Variants in SLC25A26 observed in about 807,000 individuals in gnomAD.
The protein encoded by SLC25A26 is solute carrier family 25 member 26.
Under a neutral mutation model 37.8 loss-of-function variants are expected in SLC25A26, and 36 were observed. That is an observed-to-expected ratio of 0.95 (90% CI 0.73 to 1.26). SLC25A26 has a LOEUF of 1.26. SLC25A26 is among the 50% of genes most tolerant of loss of function. The pLI, the probability that SLC25A26 is intolerant of heterozygous loss-of-function variation, is 0.00. For missense variants in SLC25A26, 390 were observed against 331.1 expected (o/e 1.18, Z -1.38); for synonymous variants, 129 against 122.5 (o/e 1.05, Z -0.35).
chr3:66,231,517 AAATT>A (rs549754472), intron 1 of SLC25A26, among the ~76,000 whole-genome samples: 263 of 152,252 alleles, frequency 1.7e-3, no homozygotes, highest in African/African-American at 5.9e-3. Context: ...AATTATTTAA[AAATT>A]AATTGTTAAA....
intron 5 of SLC25A26, among the ~76,000 whole-genome samples, chr3:66,295,764 C>G (rs2074881721): frequency 6.6e-6 from 1 of 151,758 alleles, no homozygotes; most frequent in Non-Finnish European, 1.5e-5. Flanking sequence ...TCCCAAAGTG[C>G]TGGGATTACA....
chr3:66,224,495 A>G (rs1553659746), intron 1 of SLC25A26, among the ~76,000 whole-genome samples: 2 of 152,176 alleles, frequency 1.3e-5, no homozygotes, highest in African/African-American at 4.8e-5. Flanking sequence ...TGCCCCCATG[A>G]TTCAGTTACC....
At chr3:66,140,308 G>T (rs572812813) in intron 1 of SLC25A26, among the ~76,000 whole-genome samples, 3 of 152,278 alleles carry the variant, frequency 2.0e-5, no homozygotes, top group African/African-American at 7.2e-5. Context: ...TGTGTATTCC[G>T]TTGAGTCATG....
chr3:66,332,786 G>C (rs1030848262), intron 5 of SLC25A26, among the ~76,000 whole-genome samples: 1 of 152,154 alleles, frequency 6.6e-6, no homozygotes, highest in African/African-American at 2.4e-5. Context: ...GAGAAAGCAG[G>C]TTCAGGCACA....
At chr3:66,161,821 C>T (rs1423201470) in intron 1 of SLC25A26, among the ~76,000 whole-genome samples, 2 of 152,154 alleles carry the variant, frequency 1.3e-5, no homozygotes, top group African/African-American at 2.4e-5. Flanking sequence ...CCATTGTTCA[C>T]CCCTCAAGCC....
chr3:66,191,521 T>A (rs2070941703), intron 1 of SLC25A26, among the ~76,000 whole-genome samples: 1 of 152,224 alleles, frequency 6.6e-6, no homozygotes, highest in Non-Finnish European at 1.5e-5. Context: ...GAACAACACA[T>A]ATCCATCTAA....
At chr3:66,275,631 A>T (rs547570167) in intron 5 of SLC25A26, among the ~76,000 whole-genome samples, 1 of 152,222 alleles carries the variant, frequency 6.6e-6, no homozygotes, top group East Asian at 1.9e-4. Flanking sequence ...TACATTTAGC[A>T]AGAATTATGG....
In SLC25A26 at chr3:66,378,014, G is replaced by A. The variant is rs964084367; in HGVS notation, c.*207G>A. 91 of 505,764 alleles carry A rather than the reference G, an allele frequency of 1.8e-4. No homozygotes were observed. Among genetic ancestry groups the A allele is most frequent in the African/African-American group, 1.5e-3 (78 of 52,944 alleles). The allele number at this position is 505,764 out of a possible 1,614,324, so 31.3% of individuals were successfully genotyped here. On this transcript the variant is annotated 3_prime_UTR_variant, in exon 10 of 10. Transcript: ENST00000354883. The stretch of plus-strand genomic sequence containing the variant: ...TGCCAGAGAGCTAAGAGAAGAAAAC[G>A]GGGTCTGTGGCGGTACTCTGAACAA...
chr3:66,376,692 A>T (rs1700666263), intron 9 of SLC25A26, among the ~76,000 whole-genome samples: 1 of 152,242 alleles, frequency 6.6e-6, no homozygotes, highest in South Asian at 2.1e-4. Flanking sequence ...ATTCACTATT[A>T]TGGTGGCCAA....
intron 2 of SLC25A26, among the ~76,000 whole-genome samples, chr3:66,237,112 A>G (rs2072329429): frequency 6.6e-6 from 1 of 152,196 alleles, no homozygotes; most frequent in South Asian, 2.1e-4. Flanking sequence ...TGCTGGGATT[A>G]TAGTCGGCAT....
At chr3:66,301,000 A>G (rs1290718381) in intron 5 of SLC25A26, among the ~76,000 whole-genome samples, 1 of 152,198 alleles carries the variant, frequency 6.6e-6, no homozygotes, top group East Asian at 1.9e-4. Context: ...TTTATGTCTC[A>G]ATAAAGTCTA....
chr3:66,220,763 T>G, upstream of SLC25A26: 2 of 430,050 alleles, frequency 4.7e-6, no homozygotes, highest in Non-Finnish European at 4.2e-6. Flanking sequence ...GCCGGCCTCA[T>G]TCTACCGCTG....
intron 5 of SLC25A26, among the ~76,000 whole-genome samples, chr3:66,318,760 C>G (rs542956235): frequency 1.3e-5 from 2 of 151,978 alleles, no homozygotes; most frequent in East Asian, 1.9e-4. Context: ...ATCCTGGTCT[C>G]AAGTTACTCA....
Position 66,377,849 on chromosome 3 carries a change from C to A in SLC25A26, c.*42C>A. The A allele has an allele frequency of 6.9e-7, 1 of 1,453,308 alleles. No individual in the cohort carries two copies. The highest frequency in any genetic ancestry group is 9.7e-7 in the Non-Finnish European group (1 of 1,033,592). 90.0% of individuals were successfully genotyped at this position (1,453,308 alleles called of 1,614,324 possible). A position where few individuals can be genotyped will look rare whatever the true frequency, so the allele number is the denominator to read the frequency against. On this transcript the variant is annotated 3_prime_UTR_variant, in exon 10 of 10. Coordinates refer to ENST00000354883, the MANE Select transcript of SLC25A26 (RefSeq NM_001379210.1). ...ACCTCCACTTCTGTCAAGAGAGGGG[C>A]CTGCAGTGCAAACCCTCTTCCGCTG...
intron 5 of SLC25A26, among the ~76,000 whole-genome samples, chr3:66,306,836 T>G (rs1052324766): frequency 2.6e-5 from 4 of 152,240 alleles, no homozygotes; most frequent in Non-Finnish European, 4.4e-5. Flanking sequence ...GGACATGAAC[T>G]CATACTTTTT....
chr3:66,135,967 T>G (rs900012318), intron 1 of SLC25A26, among the ~76,000 whole-genome samples: 1 of 152,234 alleles, frequency 6.6e-6, no homozygotes, highest in Non-Finnish European at 1.5e-5. Flanking sequence ...GCTAAGCTAT[T>G]TTACAAGTCT....
At chr3:66,317,499 T>C (rs71308810) in intron 5 of SLC25A26, among the ~76,000 whole-genome samples, 21,366 of 152,144 alleles carry the variant, frequency 0.14, 1,829 homozygotes, top group Non-Finnish European at 0.2. Flanking sequence ...GGGAGCTCTG[T>C]CCCAGAGAGG....
chr3:66,236,291 T>C (rs980526598), intron 1 of SLC25A26, among the ~76,000 whole-genome samples: 1 of 151,282 alleles, frequency 6.6e-6, no homozygotes, highest in Non-Finnish European at 1.5e-5. Flanking sequence ...TGTTTAAAAA[T>C]TTTTTTATTA....
intron 5 of SLC25A26, among the ~76,000 whole-genome samples, chr3:66,298,235 G>A (rs1190727380): frequency 6.6e-6 from 1 of 152,130 alleles, no homozygotes; most frequent in African/African-American, 2.4e-5. Context: ...AAAAAAAGAA[G>A]AGCTTAAATA....
Sources: allele counts gnomAD v4.1 joint callset (sites outside exome capture counted in the v4.1 genomes callset), GRCh38; gene constraint gnomAD v4.1.1; transcripts MANE v1.5; gene names NCBI Gene and HGNC (gene_info 2026-07-23, HGNC 2026-07-21).